Variants in FANCI observed in about 807,000 individuals in gnomAD.
FANCI encodes Fanconi anemia group I protein.
In FANCI, 156 loss-of-function variants were observed where a neutral mutation model predicts 176.1. That is an observed-to-expected ratio of 0.89 (90% CI 0.78 to 1.01). The LOEUF (loss-of-function observed/expected upper bound fraction) is 1.01. Ranked by LOEUF, FANCI falls within the 50% of genes least tolerant of loss-of-function variation. The probability of loss-of-function intolerance (pLI) is 0.00; values close to 1 mark genes in which losing one functional copy is unlikely to be tolerated. For missense variants in FANCI, 1,678 were observed against 1,534.1 expected (o/e 1.09, Z -1.57); for synonymous variants, 613 against 541.7 (o/e 1.13, Z -1.83).
chr15:89,249,091 T>C (rs1489165632), intron 2 of FANCI, among the ~76,000 whole-genome samples: 1 of 152,198 alleles, frequency 6.6e-6, no homozygotes, highest in Non-Finnish European at 1.5e-5. Context: ...TCCATCAAGA[T>C]CATTTTGTAT....
At chr15:89,315,535 A>G (rs2055198445) in intron 37 of FANCI, 146 bp downstream of exon 37, 2 of 686,446 alleles carry the variant, frequency 2.9e-6, no homozygotes. Flanking sequence ...AAGGACTCTC[A>G]GAAGGGTTGT....
intron 10 of FANCI, among the ~76,000 whole-genome samples, chr15:89,272,097 T>G (rs1342276891): frequency 3.3e-5 from 5 of 152,232 alleles, no homozygotes; most frequent in African/African-American, 1.2e-4. Flanking sequence ...CTCTGTGTCT[T>G]GGCCAACATT....
chr15:89,291,302 G>T (rs1173226502), intron 19 of FANCI, among the ~76,000 whole-genome samples: 4 of 152,102 alleles, frequency 2.6e-5, no homozygotes, highest in African/African-American at 9.7e-5. Context: ...TGGGATCTTG[G>T]ACTCAGCCAG....
chr15:89,281,662 AG>A, intron 15 of FANCI, 102 bp from the exon 16 acceptor site: 1 of 1,062,116 alleles, frequency 9.4e-7, no homozygotes, highest in Non-Finnish European at 1.5e-6. Context: ...ATAAAACAGA[AG>A]TAAGCTTCCT....
At chr15:89,295,493 C>G (rs1457716173) in intron 24 of FANCI, among the ~76,000 whole-genome samples, 1 of 152,012 alleles carries the variant, frequency 6.6e-6, no homozygotes, top group East Asian at 1.9e-4. Flanking sequence ...TGGAGAAACC[C>G]TATCTCTACT....
chr15:89,253,484 A>G (rs1183968705), intron 2 of FANCI, among the ~76,000 whole-genome samples: 2 of 152,074 alleles, frequency 1.3e-5, no homozygotes, highest in Non-Finnish European at 2.9e-5. Flanking sequence ...CTGCACTTCA[A>G]CGGGTGAAAG....
chr15:89,264,605 C>T lies in FANCI; in HGVS notation c.753C>T (p.Asp251=), dbSNP rs151169233. Residue 251 remains aspartate (D), a splice_region_variant and synonymous_variant, in exon 9 of 38, where the codon GAC becomes GAT. Coordinates refer to ENST00000310775, the MANE Select transcript of FANCI (RefSeq NM_001113378.2). ...DKQHNEEQSG[D]ELLDVVTVPS... ...AGCACAATGAGGAACAGAGTGGTGA[C>T]GAGTGAGTAATATAGTGTAGAAATA... The T allele has an allele frequency of 1.8e-3, 2,819 of 1,610,018 alleles. 5 individuals are homozygous for T. Among genetic ancestry groups the T allele is most frequent in the Non-Finnish European group, 2.3e-3 (2,649 of 1,176,618 alleles).
intron 35 of FANCI, among the ~76,000 whole-genome samples, chr15:89,314,287 G>A (rs1487902231): frequency 1.3e-5 from 2 of 152,188 alleles, no homozygotes; most frequent in African/African-American, 4.8e-5. Context: ...AGGAAATAGA[G>A]CTAGGGCCAA....
At chr15:89,305,270 C>T (rs1300887920) in intron 29 of FANCI, 28 bp downstream of exon 29, 2 of 1,614,046 alleles carry the variant, frequency 1.2e-6, no homozygotes, top group East Asian at 2.2e-5. Context: ...CAGTACAATA[C>T]CCTGTGTGGG....
At chr15:89,313,341 T>G (rs1274028158) in intron 35 of FANCI, among the ~76,000 whole-genome samples, 1 of 152,198 alleles carries the variant, frequency 6.6e-6, no homozygotes, top group Non-Finnish European at 1.5e-5. Context: ...TTGTGTGTAT[T>G]ATATACATGG....
At chr15:89,303,425 C>G (rs763242596) in intron 27 of FANCI, among the ~76,000 whole-genome samples, 5 of 152,300 alleles carry the variant, frequency 3.3e-5, no homozygotes, top group Non-Finnish European at 7.3e-5. Context: ...CTGCCCTTCT[C>G]TCTTCTAACC....
chr15:89,312,511 T>C (rs1314124681), intron 34 of FANCI, among the ~76,000 whole-genome samples: 4 of 152,244 alleles, frequency 2.6e-5, no homozygotes, highest in Non-Finnish European at 5.9e-5. Flanking sequence ...CCCTGTGTAA[T>C]TACCTTCTAA....
intron 24 of FANCI, among the ~76,000 whole-genome samples, chr15:89,296,013 G>A (rs1313563557): frequency 1.3e-5 from 2 of 152,040 alleles, no homozygotes; most frequent in African/African-American, 2.4e-5. Flanking sequence ...TGTCACCCAG[G>A]CTAGAGTGCA....
chr15:89,303,983 A>G, intron 28 of FANCI, 68 bp downstream of exon 28: 1 of 1,441,770 alleles, frequency 6.9e-7, no homozygotes, highest in South Asian at 1.1e-5. Flanking sequence ...GCATTTGGAA[A>G]AGAAAAGGTA....
chr15:89,312,865 A>C, intron 34 of FANCI, 39 bp from the exon 35 acceptor site: 1 of 1,560,238 alleles, frequency 6.4e-7, no homozygotes, highest in South Asian at 1.1e-5. Flanking sequence ...TCCACAGAAA[A>C]ATCATCAGGA....
At position 89,305,589 on chromosome 15, in the gene FANCI, C is replaced by G; in HGVS notation, c.3256-16C>G. 6.2e-7 allele frequency: 1 copy of G among 1,612,988 alleles called. No homozygotes were observed. Among genetic ancestry groups the G allele is most frequent in the Non-Finnish European group, 8.5e-7 (1 of 1,178,926 alleles). ...GCTGTGTGTAGTGAATCACACCAGG[C>G]ACTCTTTTCTTTCAGTTACTTGTTC... is the stretch of plus-strand genomic sequence containing the variant. On this transcript the variant is annotated splice_polypyrimidine_tract_variant and intron_variant, in intron 30 of 37. Transcript: ENST00000310775.
chr15:89,263,451 C>T lies in FANCI; in HGVS notation c.536C>T (p.Ser179Phe). ...CAGCAATATGTAATCCAACTCACCT[C>T]CATGTTCAAGTAAGCATCATCTTTT... ...WDQQYVIQLT[S>F]MFKDVPLTAE... Residue 179 changes from serine (S) to phenylalanine (F), a missense_variant, in exon 7 of 38, where the codon TCC becomes TTC. This residue lies in a region of FANCI where 469 missense variants were observed against 436.9 expected (regional missense o/e 1.07). Transcript: ENST00000310775. The T allele has an allele frequency of 6.2e-7, 1 of 1,612,572 alleles. No homozygotes were observed. The highest frequency in any genetic ancestry group is 8.5e-7 in the Non-Finnish European group (1 of 1,178,760).
At chr15:89,314,584 A>G (rs761439596) in intron 35 of FANCI, 28 bp from the exon 36 acceptor site, 2 of 1,557,644 alleles carry the variant, frequency 1.3e-6, no homozygotes, top group East Asian at 2.2e-5. Flanking sequence ...TGAACCTGAA[A>G]TTTAAGTCTT....
chr15:89,258,382 A>C (rs139580580), intron 2 of FANCI, among the ~76,000 whole-genome samples: 1 of 152,040 alleles, frequency 6.6e-6, no homozygotes, highest in African/African-American at 2.4e-5. Context: ...TCAAATTACT[A>C]TGTCTGTTTT....
Sources: gnomAD v4.1 joint callset for allele counts (sites outside exome capture counted in the v4.1 genomes callset) on GRCh38, gnomAD v4.1.1 for gene constraint, gnomAD v4.1.1 regional missense constraint, MANE v1.5 for transcripts, NCBI Gene and HGNC (gene_info 2026-07-23, HGNC 2026-07-21) for gene names.